PTPRD: variants seen among roughly 807,000 people sequenced by gnomAD.
PTPRD encodes the protein receptor-type tyrosine-protein phosphatase delta.
Under a neutral mutation model 214.5 loss-of-function variants are expected in PTPRD, and 34 were observed. That is an observed-to-expected ratio of 0.16 (90% confidence interval 0.12 to 0.21). The LOEUF is 0.21. Ranked by LOEUF, PTPRD falls within the 10% of genes least tolerant of loss-of-function variation. PTPRD has a pLI of 1.00. For missense variants in PTPRD, 2,545 were observed against 2,398.7 expected (o/e 1.06, Z -1.27); for synonymous variants, 1,128 against 845.7 (o/e 1.33, Z -5.79).
intron 10 of PTPRD, among the ~76,000 whole-genome samples, chr9:9,154,277 T>C (rs1025282475): frequency 6.6e-6 from 1 of 152,326 alleles, no homozygotes; most frequent in Admixed American, 6.5e-5. Context: ...ACCGTCTTAG[T>C]CTGTTTAGGT....
chr9:9,535,265 T>C (rs1410970301), intron 8 of PTPRD, among the ~76,000 whole-genome samples: 1 of 152,110 alleles, frequency 6.6e-6, no homozygotes, highest in Non-Finnish European at 1.5e-5. Flanking sequence ...ATTCTAGCTT[T>C]ATTTGCTTTT....
intron 11 of PTPRD, among the ~76,000 whole-genome samples, chr9:8,919,314 A>AC (rs2098808709): frequency 6.6e-6 from 1 of 150,400 alleles, no homozygotes; most frequent in Non-Finnish European, 1.5e-5. Flanking sequence ...AATCGCTTGA[A>AC]CCTGGGGGGT....
chr9:8,431,165 T>C (rs570830579), intron 35 of PTPRD, among the ~76,000 whole-genome samples: 3 of 152,322 alleles, frequency 2.0e-5, no homozygotes, highest in Admixed American at 6.5e-5. Context: ...GTCAATTAGA[T>C]AGAGTTCAGA....
At chr9:8,668,329 C>G (rs950071298) in intron 12 of PTPRD, among the ~76,000 whole-genome samples, 41 of 152,094 alleles carry the variant, frequency 2.7e-4, no homozygotes, top group African/African-American at 9.4e-4. Flanking sequence ...AAAAATAGAT[C>G]AAATTAGGTG....
intron 9 of PTPRD, among the ~76,000 whole-genome samples, chr9:9,332,471 A>G (rs1387096475): frequency 1.3e-5 from 2 of 151,914 alleles, no homozygotes; most frequent in Non-Finnish European, 2.9e-5. Context: ...ACAGATACCT[A>G]TTATCACACT....
In PTPRD at chr9:9,097,421, T is replaced by A. The variant is rs555550823; in HGVS notation, c.-142-78686A>T. The stretch of plus-strand genomic sequence containing the variant: ...ATGGCTCTTTTTTTTTTTTTCTTTT[T>A]CTTTTGAGATGGAGTCTCGCTCTGT... On this transcript the variant is annotated intron_variant, in intron 10 of 45. Coordinates refer to ENST00000381196, the MANE Select transcript of PTPRD (RefSeq NM_002839.4). Among the ~76,000 whole-genome samples the A allele has an allele frequency of 3.5e-3, 532 of 151,350 alleles. 1 individual carries two copies. The highest frequency in any genetic ancestry group is 5.7e-3 in the Non-Finnish European group (387 of 67,786).
intron 11 of PTPRD, among the ~76,000 whole-genome samples, chr9:8,947,014 A>ATTT: frequency 9.3e-6 from 1 of 106,964 alleles, no homozygotes; most frequent in Non-Finnish European, 1.8e-5. Flanking sequence ...GTCTCTCTGT[A>ATTT]TTTTTTTTTC....
chr9:8,617,448 A>G (rs890473578), intron 14 of PTPRD, among the ~76,000 whole-genome samples: 15 of 152,076 alleles, frequency 9.9e-5, no homozygotes, highest in African/African-American at 3.6e-4. Context: ...TAAGTAATTT[A>G]TTCCTATTCC....
At chr9:8,698,730 G>C (rs753444056) in intron 12 of PTPRD, among the ~76,000 whole-genome samples, 4 of 152,056 alleles carry the variant, frequency 2.6e-5, no homozygotes, top group Admixed American at 2.0e-4. Flanking sequence ...GAAATACTCC[G>C]GCATAATACA....
At chr9:10,044,522 C>G (rs546170895) in intron 3 of PTPRD, among the ~76,000 whole-genome samples, 36 of 151,696 alleles carry the variant, frequency 2.4e-4, no homozygotes, top group African/African-American at 8.7e-4. Flanking sequence ...ACAAAGTAGC[C>G]ACAAATACAG....
At chr9:9,949,820 G>T (rs139085510) in intron 4 of PTPRD, among the ~76,000 whole-genome samples, 2 of 152,184 alleles carry the variant, frequency 1.3e-5, no homozygotes, top group African/African-American at 2.4e-5. Context: ...CCAACACTCT[G>T]AAGAGCAAGT....
chr9:10,504,788 G>A (rs1397924899), intron 2 of PTPRD, among the ~76,000 whole-genome samples: 2 of 152,098 alleles, frequency 1.3e-5, no homozygotes, highest in African/African-American at 4.8e-5. Context: ...CCTAATTCAT[G>A]TCCTTTTTCA....
intron 2 of PTPRD, among the ~76,000 whole-genome samples, chr9:10,503,198 A>AAAAAAC (rs1555437069): frequency 7.5e-6 from 1 of 132,460 alleles, no homozygotes. Flanking sequence ...CAATACAAAA[A>AAAAAAC]AAAAAAAAAC....
intron 8 of PTPRD, among the ~76,000 whole-genome samples, chr9:9,542,682 A>G (rs575328183): frequency 1.7e-4 from 26 of 151,800 alleles, no homozygotes; most frequent in Non-Finnish European, 2.5e-4. Context: ...AAAGAGATAT[A>G]TGAATGGTCA....
intron 3 of PTPRD, among the ~76,000 whole-genome samples, chr9:10,128,297 A>G (rs1043632605): frequency 2.0e-5 from 3 of 152,214 alleles, no homozygotes; most frequent in African/African-American, 7.2e-5. Context: ...CAGCTGCAAT[A>G]GTTAAAATGA....
intron 34 of PTPRD, 24 bp from the exon 35 acceptor site, chr9:8,436,713 AC>A (rs2132537016): frequency 6.4e-7 from 1 of 1,554,330 alleles, no homozygotes; most frequent in Non-Finnish European, 8.9e-7. Context: ...CAAAGAAGAA[AC>A]ACATTTGAAA....
intron 8 of PTPRD, among the ~76,000 whole-genome samples, chr9:9,506,433 G>A (rs16929628): frequency 0.056 from 8,522 of 151,324 alleles, 280 homozygotes; most frequent in African/African-American, 0.09. Context: ...CAGTGAGATG[G>A]GTCCAATCAA....
chr9:10,070,216 CT>C (rs1231514521), intron 3 of PTPRD, among the ~76,000 whole-genome samples: 2 of 152,020 alleles, frequency 1.3e-5, no homozygotes, highest in East Asian at 3.9e-4. Flanking sequence ...GTTTTGTCCA[CT>C]TTTTTGTCCA....
At chr9:9,794,470 A>G (rs2098988953) in intron 5 of PTPRD, among the ~76,000 whole-genome samples, 1 of 151,958 alleles carries the variant, frequency 6.6e-6, no homozygotes, top group Non-Finnish European at 1.5e-5. Context: ...GAGTGTATCA[A>G]TGTGGCTAGA....
Sources: gnomAD v4.1 joint callset for allele counts (sites outside exome capture counted in the v4.1 genomes callset) on GRCh38, gnomAD v4.1.1 for gene constraint, MANE v1.5 for transcripts, NCBI Gene and HGNC (gene_info 2026-07-23, HGNC 2026-07-21) for gene names.